The following WWC1 variants were observed in gnomAD, a reference collection of about 807,000 sequenced individuals.
The protein encoded by WWC1 is protein KIBRA.
A neutral mutation model predicts 138.4 loss-of-function variants in WWC1; 55 were observed. The ratio of observed to expected loss-of-function variants is 0.40; its 90% CI spans 0.32 to 0.50. The LOEUF (loss-of-function observed/expected upper bound fraction) is 0.50. Among genes scored for constraint, WWC1 ranks in the 20% least tolerant of loss-of-function variants. The pLI is 0.72. For missense variants in WWC1, 1,226 were observed against 1,420.4 expected (o/e 0.86, Z 2.20); for synonymous variants, 524 against 564.9 (o/e 0.93, Z 1.03).
At position 168,327,822 on chromosome 5, in the gene WWC1, G is replaced by T. The variant is rs185315239; in HGVS notation, c.119+35551G>T. 3.8e-4 allele frequency among the ~76,000 whole-genome samples: 58 copies of T among 152,338 alleles called. 1 individual carries two copies. The East Asian group carries it at 8.9e-3, about 23-fold the overall frequency. Reference sequence around the variant, plus strand: ...GGATATCAAATGAGAATATAAGCTCGTGTTGGCAGGAATATGCTCCCCACT... The same window carrying T: ...GGATATCAAATGAGAATATAAGCTCTTGTTGGCAGGAATATGCTCCCCACT... On this transcript the variant is annotated intron_variant, in intron 1 of 22. Coordinates refer to ENST00000265293, the MANE Select transcript of WWC1 (RefSeq NM_015238.3).
At chr5:168,418,221 A>G (rs992317150) in intron 9 of WWC1, among the ~76,000 whole-genome samples, 1 of 152,144 alleles carries the variant, frequency 6.6e-6, no homozygotes, top group African/African-American at 2.4e-5. Context: ...CTCACAAATC[A>G]GTCAGACTCA....
At chr5:168,405,272 G>C (rs927896264) in intron 5 of WWC1, among the ~76,000 whole-genome samples, 1 of 152,082 alleles carries the variant, frequency 6.6e-6, no homozygotes, top group South Asian at 2.1e-4. Flanking sequence ...ATTTTGCTCC[G>C]TCTCCCTCAA....
intron 21 of WWC1, among the ~76,000 whole-genome samples, chr5:168,467,119 A>G (rs10041788): frequency 0.019 from 2,824 of 152,202 alleles, 89 homozygotes; most frequent in African/African-American, 0.064. Flanking sequence ...TTAGCCGGGC[A>G]TGGTGGCGGG....
intron 10 of WWC1, among the ~76,000 whole-genome samples, chr5:168,422,326 A>AGAC (rs2152851657): frequency 6.6e-6 from 1 of 152,354 alleles, no homozygotes; most frequent in East Asian, 1.9e-4. Context: ...CAGGCAGGTA[A>AGAC]TAGGTAGTCT....
intron 2 of WWC1, 108 bp from the exon 3 acceptor site, chr5:168,385,102 GA>G: frequency 9.5e-7 from 1 of 1,051,500 alleles, no homozygotes; most frequent in Non-Finnish European, 1.4e-6. Flanking sequence ...CATTTATTGT[GA>G]TTTGTCTATG....
Position 168,385,238 on chromosome 5 carries a change from T to C in WWC1, c.257T>C (p.Val86Ala), listed in dbSNP as rs368164798. Residue 86 changes from valine (V) to alanine (A), a missense_variant, in exon 3 of 23, where the codon GTA becomes GCA. Physicochemically the swap from Val to Ala is moderately conservative, Grantham distance 64 (BLOSUM62 0). This residue lies in a region of WWC1 where 1,016 missense variants were observed against 1,153.9 expected (regional missense o/e 0.88). Transcript: ENST00000265293. ...TKTTQIEDPR[V>A]QWRREQEHML... Reference sequence around the variant, plus strand: ...ACCACTCAGATTGAGGATCCTCGAGTACAATGGCGGCGGGAGCAGGAACAT... The same window carrying C: ...ACCACTCAGATTGAGGATCCTCGAGCACAATGGCGGCGGGAGCAGGAACAT... The C allele has an allele frequency of 6.2e-7, 1 of 1,613,916 alleles. No homozygotes were observed. Among genetic ancestry groups the C allele is most frequent in the Non-Finnish European group, 8.5e-7 (1 of 1,180,002 alleles).
At chr5:168,348,305 C>T (rs965656763) in intron 1 of WWC1, among the ~76,000 whole-genome samples, 1 of 152,206 alleles carries the variant, frequency 6.6e-6, no homozygotes, top group African/African-American at 2.4e-5. Context: ...CAGGGAGACC[C>T]AAGCCCTCAC....
At chr5:168,426,675 C>T (rs913910304) in intron 11 of WWC1, among the ~76,000 whole-genome samples, 3 of 152,250 alleles carry the variant, frequency 2.0e-5, no homozygotes, top group Non-Finnish European at 4.4e-5. Flanking sequence ...GCATGGGACG[C>T]AGGCTCAGCT....
chr5:168,376,804 G>A (rs1188995443), intron 2 of WWC1, among the ~76,000 whole-genome samples: 2 of 152,116 alleles, frequency 1.3e-5, no homozygotes, highest in Admixed American at 6.6e-5. Context: ...ATGGAAAAAC[G>A]TTCCGTGCTC....
At chr5:168,351,912 C>G (rs1052708105) in intron 1 of WWC1, among the ~76,000 whole-genome samples, 2 of 152,186 alleles carry the variant, frequency 1.3e-5, no homozygotes, top group African/African-American at 2.4e-5. Flanking sequence ...TCTGCACCCT[C>G]TCCACCCAAG....
intron 1 of WWC1, among the ~76,000 whole-genome samples, chr5:168,308,149 G>A (rs1770750057): frequency 6.6e-6 from 1 of 152,166 alleles, no homozygotes; most frequent in South Asian, 2.1e-4. Flanking sequence ...AGCAGGAGGT[G>A]GCTTTAGCCG....
chr5:168,422,281 T>C (rs1781151136), intron 10 of WWC1, among the ~76,000 whole-genome samples, 184 bp downstream of exon 10: 1 of 152,206 alleles, frequency 6.6e-6, no homozygotes, highest in African/African-American at 2.4e-5. Context: ...AATAGGGGTC[T>C]TGACCTCTCC....
At chr5:168,304,957 C>T (rs1285010621) in intron 1 of WWC1, among the ~76,000 whole-genome samples, 3 of 151,818 alleles carry the variant, frequency 2.0e-5, no homozygotes, top group Non-Finnish European at 2.9e-5. Context: ...TCCCGAGTAG[C>T]TGGGATTACA....
chr5:168,351,887 G>GGTGTCTGAGAC (rs1774993252), intron 1 of WWC1, among the ~76,000 whole-genome samples: 1 of 152,144 alleles, frequency 6.6e-6, no homozygotes, highest in Non-Finnish European at 1.5e-5. Context: ...TGTCTGCCTA[G>GGTGTCTGAGAC]GGACTGGCTG....
chr5:168,397,343 A>G (rs1054928849), intron 3 of WWC1, among the ~76,000 whole-genome samples: 5 of 152,040 alleles, frequency 3.3e-5, no homozygotes, highest in Non-Finnish European at 7.4e-5. Context: ...GGATTTCCCC[A>G]TGTTGGCCAG....
At chr5:168,322,678 G>A (rs561823167) in intron 1 of WWC1, among the ~76,000 whole-genome samples, 16 of 152,312 alleles carry the variant, frequency 1.1e-4, no homozygotes, top group African/African-American at 3.1e-4. Context: ...CAAGATAGAT[G>A]TTATCTCTTT....
At chr5:168,426,159 AGAG>A (rs1461259648) in intron 11 of WWC1, among the ~76,000 whole-genome samples, 3 of 152,152 alleles carry the variant, frequency 2.0e-5, no homozygotes, top group Admixed American at 6.5e-5. Flanking sequence ...TTTCCTTAGA[AGAG>A]GAGCCGAGAG....
At chr5:168,297,356 G>A (rs1009951752) in intron 1 of WWC1, among the ~76,000 whole-genome samples, 2 of 152,182 alleles carry the variant, frequency 1.3e-5, no homozygotes, top group South Asian at 4.1e-4. Flanking sequence ...GCCTGGTGCG[G>A]TGGCTCATGC....
At chr5:168,422,128 C>T in intron 10 of WWC1, 31 bp downstream of exon 10, 1 of 1,602,420 alleles carries the variant, frequency 6.2e-7, no homozygotes, top group Non-Finnish European at 8.5e-7. Flanking sequence ...CCACTGCTCC[C>T]CTGGGCATGG....
Sources: gnomAD v4.1 joint callset for allele counts (sites outside exome capture counted in the v4.1 genomes callset) on GRCh38, gnomAD v4.1.1 for gene constraint, gnomAD v4.1.1 regional missense constraint, MANE v1.5 for transcripts, NCBI Gene and HGNC (gene_info 2026-07-23, HGNC 2026-07-21) for gene names.